RFX3: variants seen among roughly 807,000 people sequenced by gnomAD.
The protein encoded by RFX3 is regulatory factor X3.
RFX3 carries 14 observed loss-of-function variants against 98.6 expected under a neutral mutation model. That is an observed-to-expected ratio of 0.14 (90% CI 0.09 to 0.22). The LOEUF (loss-of-function observed/expected upper bound fraction) is 0.22, where lower values mean the gene tolerates loss of function less well. Among genes scored for constraint, RFX3 ranks in the 10% least tolerant of loss-of-function variants. RFX3 has a pLI of 1.00. For synonymous variants in RFX3, 383 were observed against 328.4 expected, an observed-to-expected ratio of 1.17 and a Z score of -1.80; for missense variants, 639 against 926.9, an observed-to-expected ratio of 0.69 and a Z score of 4.03.
intron 4 of RFX3, among the ~76,000 whole-genome samples, chr9:3,305,554 T>C (rs1192639877): frequency 2.0e-5 from 3 of 151,926 alleles, no homozygotes; most frequent in Admixed American, 6.6e-5. Flanking sequence ...AGAGGAATAA[T>C]GCAGAAATGG....
chr9:3,371,491 T>C (rs1275254480), intron 2 of RFX3, among the ~76,000 whole-genome samples: 2 of 152,174 alleles, frequency 1.3e-5, no homozygotes, highest in African/African-American at 4.8e-5. Flanking sequence ...GTGATCTGTA[T>C]AACTAAAATC....
intron 1 of RFX3, among the ~76,000 whole-genome samples, chr9:3,466,229 T>C (rs1195542307): frequency 6.6e-6 from 1 of 152,072 alleles, no homozygotes; most frequent in African/African-American, 2.4e-5. Context: ...TTTTAAATAA[T>C]AGAAAAACAG....
At chr9:3,319,775 T>A (rs1587039118) in intron 4 of RFX3, among the ~76,000 whole-genome samples, 2 of 152,118 alleles carry the variant, frequency 1.3e-5, no homozygotes, top group East Asian at 1.9e-4. Context: ...GCCCATACTG[T>A]TAAGTCTTCA....
At chr9:3,366,719 TTTC>T (rs1483283230) in intron 2 of RFX3, among the ~76,000 whole-genome samples, 30 of 144,452 alleles carry the variant, frequency 2.1e-4, no homozygotes, top group African/African-American at 7.2e-4. Flanking sequence ...TCTTTCTTTC[TTTC>T]TTTCTTTCTT....
rs148639041 is a variant in RFX3, at chr9:3,385,743, A to G, written c.117+9729T>C. ...AAGAAAAGAAAACTCCTTGCAATTC[A>G]ACTCTGGGACGTCCTTGGGAATAGT... On this transcript the variant is annotated intron_variant, in intron 2 of 16. Coordinates refer to ENST00000617270, the MANE Select transcript of RFX3 (RefSeq NM_001282116.2). Among the ~76,000 whole-genome samples, 813 of 151,802 alleles carry G rather than the reference A, an allele frequency of 5.4e-3. 9 individuals are homozygous for G. Among genetic ancestry groups the G allele is most frequent in the Admixed American group, 8.3e-3 (126 of 15,202 alleles).
At chr9:3,313,930 C>T (rs1472424415) in intron 4 of RFX3, among the ~76,000 whole-genome samples, 2 of 152,142 alleles carry the variant, frequency 1.3e-5, no homozygotes, top group Non-Finnish European at 2.9e-5. Flanking sequence ...GAGAATGGAA[C>T]CAAGTTGGAA....
intron 1 of RFX3, among the ~76,000 whole-genome samples, chr9:3,497,168 A>G (rs1328612582): frequency 1.3e-5 from 2 of 152,028 alleles, no homozygotes; most frequent in African/African-American, 2.4e-5. Context: ...AAATGTTACA[A>G]TATGTACCAA....
intron 1 of RFX3, among the ~76,000 whole-genome samples, chr9:3,463,122 A>C (rs992710402): frequency 4.6e-5 from 7 of 152,198 alleles, no homozygotes; most frequent in Non-Finnish European, 7.4e-5. Context: ...GAGGGATTAT[A>C]TATTACTTAA....
chr9:3,374,631 G>A (rs187826662), intron 2 of RFX3, among the ~76,000 whole-genome samples: 3 of 152,276 alleles, frequency 2.0e-5, no homozygotes, highest in Admixed American at 2.0e-4. Context: ...AATACAGTAT[G>A]ATTCTACTTA....
chr9:3,348,822 C>G (rs958139158), intron 2 of RFX3, among the ~76,000 whole-genome samples: 1 of 152,080 alleles, frequency 6.6e-6, no homozygotes, highest in Non-Finnish European at 1.5e-5. Context: ...GTAGCCTCTT[C>G]TAACTAGTTC....
At chr9:3,295,419 C>T (rs201148885) in intron 5 of RFX3, among the ~76,000 whole-genome samples, 1 of 151,770 alleles carries the variant, frequency 6.6e-6, no homozygotes, top group Non-Finnish European at 1.5e-5. Context: ...ATATACTAGA[C>T]AGAGCAAGGG....
intron 1 of RFX3, among the ~76,000 whole-genome samples, chr9:3,521,366 T>C (rs1388506030): frequency 6.6e-6 from 1 of 152,164 alleles, no homozygotes; most frequent in Non-Finnish European, 1.5e-5. Context: ...AAACTGCCAA[T>C]TAAGATAGTA....
chr9:3,340,390 A>G (rs1436436466), intron 3 of RFX3, among the ~76,000 whole-genome samples: 2 of 152,240 alleles, frequency 1.3e-5, no homozygotes, highest in Admixed American at 6.5e-5. Flanking sequence ...AACAAAAGCC[A>G]AAATTGACAA....
At chr9:3,250,904 A>C (rs948106628) in intron 14 of RFX3, among the ~76,000 whole-genome samples, 1 of 152,154 alleles carries the variant, frequency 6.6e-6, no homozygotes, top group Non-Finnish European at 1.5e-5. Flanking sequence ...TGGAATATCT[A>C]ATACTTTATT....
chr9:3,319,327 T>C (rs57295144), intron 4 of RFX3, among the ~76,000 whole-genome samples: 15,860 of 152,130 alleles, frequency 0.1, 837 homozygotes, highest in Middle Eastern at 0.18. Context: ...CACACTCAAG[T>C]TTGAAAACAG....
In RFX3 at chr9:3,391,493, G is replaced by A. The variant is rs1165299336; in HGVS notation, c.117+3979C>T. Among the ~76,000 whole-genome samples, 4 of 152,150 alleles carry A rather than the reference G, an allele frequency of 2.6e-5. No individual in the cohort carries two copies. In the East Asian group the frequency reaches 5.8e-4, roughly 22 times the overall value. Reference sequence around the variant, plus strand: ...AGTGTTCTCACCTTCTTTGCTCGGTGTAAAGGAATATAAGGTATCACCTGC... The same window carrying A: ...AGTGTTCTCACCTTCTTTGCTCGGTATAAAGGAATATAAGGTATCACCTGC... On this transcript the variant is annotated intron_variant, in intron 2 of 16. Transcript: ENST00000617270.
chr9:3,428,194 T>A (rs1195593753), intron 1 of RFX3, among the ~76,000 whole-genome samples: 1 of 152,156 alleles, frequency 6.6e-6, no homozygotes, highest in African/African-American at 2.4e-5. Flanking sequence ...AGGCATTACA[T>A]CAAGGCAAGT....
chr9:3,239,219 T>C (rs545318028), intron 15 of RFX3, among the ~76,000 whole-genome samples: 2 of 152,204 alleles, frequency 1.3e-5, no homozygotes, highest in South Asian at 2.1e-4. Context: ...GAGGAAAAGG[T>C]TGCTGACTTT....
chr9:3,388,564 T>A (rs1354661044), intron 2 of RFX3, among the ~76,000 whole-genome samples: 2 of 152,046 alleles, frequency 1.3e-5, no homozygotes, highest in Non-Finnish European at 2.9e-5. Context: ...GAACAAAGTG[T>A]CCTTCTCTAG....
Sources: gnomAD v4.1 joint callset for allele counts (sites outside exome capture counted in the v4.1 genomes callset) on GRCh38, gnomAD v4.1.1 for gene constraint, MANE v1.5 for transcripts, NCBI Gene and HGNC (gene_info 2026-07-23, HGNC 2026-07-21) for gene names.